The following KLHDC7B variants were observed in gnomAD, a reference collection of about 807,000 sequenced individuals.
The protein encoded by KLHDC7B is kelch domain containing 7B.
Under a neutral mutation model 0.6 loss-of-function variants are expected in KLHDC7B, and 1 was observed. That is an observed-to-expected ratio of 1.71 (90% CI 0.61 to 8.11). KLHDC7B has a LOEUF of 8.11. Among genes scored for constraint, KLHDC7B ranks in the 30% most tolerant of loss-of-function variants. The pLI is 0.13. For synonymous variants in KLHDC7B, 462 were observed against 405.2 expected, an observed-to-expected ratio of 1.14 and a Z score of -1.68; for missense variants, 993 against 894.9, an observed-to-expected ratio of 1.11 and a Z score of -1.40.
At position 50,549,282 on chromosome 22, in the gene KLHDC7B, C is replaced by A; in HGVS notation, c.3039C>A (p.Ser1013=). 1 of 1,612,200 alleles carries A rather than the reference C, an allele frequency of 6.2e-7. No homozygotes were observed. The highest frequency in any genetic ancestry group is 8.5e-7 in the Non-Finnish European group (1 of 1,179,986). ...GCTCCGGTGCCAAGGCCGTCTGCTCCAACGAGGTCTTCTGCTACAACCCTC... is the reference window on the plus strand; with the variant it reads ...GCTCCGGTGCCAAGGCCGTCTGCTCAAACGAGGTCTTCTGCTACAACCCTC... ...IRGSGAKAVC[S]NEVFCYNPLT... Residue 1013 remains serine (S), a synonymous_variant, in exon 1 of 1, where the codon TCC becomes TCA. Coordinates refer to ENST00000648057, the MANE Select transcript of KLHDC7B (RefSeq NM_138433.5).
Position 50,548,151 on chromosome 22 carries a change from G to C in KLHDC7B, c.1908G>C (p.Trp636Cys). Residue 636 changes from tryptophan (W) to cysteine (C), a missense_variant, in exon 1 of 1, where the codon TGG (tryptophan) becomes TGC (cysteine). Coordinates refer to ENST00000648057, the MANE Select transcript of KLHDC7B (RefSeq NM_138433.5). This position sits in a 1 kb window ranked among gnomAD's most constrained non-coding sequence, Gnocchi z 5.3. ...AGGAGGGGCAGGTCTCAGCCAGCTG[G>C]GGAAACCTTATTGCCATGGTTCTTA... ...RYQEGQVSASWGNLIAMVLRS... is the reference protein window; with the variant it reads ...RYQEGQVSASCGNLIAMVLRS... 2 of 1,487,408 alleles carry C rather than the reference G, an allele frequency of 1.3e-6. No individual in the cohort carries two copies. Among genetic ancestry groups the C allele is most frequent in the Non-Finnish European group, 1.8e-6 (2 of 1,113,718 alleles). The allele number at this position is 1,487,408 out of a possible 1,614,324, so 92.1% of individuals were successfully genotyped here. A position where few individuals can be genotyped will look rare whatever the true frequency, so the allele number is the denominator to read the frequency against.
rs117231091 is a variant in KLHDC7B at position 50,549,396 on chromosome 22, C to G, written c.3153C>G (p.Ile1051Met). The G allele has an allele frequency of 1.2e-6, 2 of 1,612,672 alleles. No homozygotes were observed. The highest frequency in any genetic ancestry group is 1.3e-5 in the African/African-American group (1 of 74,940). Residue 1051 changes from isoleucine (I) to methionine (M), a missense_variant, in exon 1 of 1, where the codon ATC (isoleucine) becomes ATG (methionine). Transcript: ENST00000648057. ...LVALDGLLYA[I>M]GGECLYSMEC... ...CCCTGGACGGGCTGCTCTATGCCAT[C>G]GGTGGCGAATGCCTGTACAGCATGG...
In KLHDC7B at chr22:50,548,848, G is replaced by A; in HGVS notation, c.2605G>A (p.Ala869Thr). 6.4e-7 allele frequency: 1 copy of A among 1,550,984 alleles called. No individual in the cohort carries two copies. Among genetic ancestry groups the A allele is most frequent in the Non-Finnish European group, 8.7e-7 (1 of 1,151,434 alleles). ...LDLGSCLDVL[A>T]FAQQHGEPGL... is the part of the protein sequence containing the mutation. ...CCTGGGCAGTTGCCTGGACGTGCTG[G>A]CCTTTGCCCAGCAGCACGGAGAGCC... Residue 869 changes from alanine to threonine, a missense_variant, in exon 1 of 1, where the codon GCC (alanine) becomes ACC (threonine). By Grantham distance (58) the Ala-to-Thr change is moderately conservative. Transcript: ENST00000648057. This position sits in a 1 kb window ranked among gnomAD's most constrained non-coding sequence, Gnocchi z 5.3.
rs566545258 is a variant in KLHDC7B, at chr22:50,549,675, C to T, written c.3432C>T (p.Gly1144=). Residue 1144 remains glycine, a synonymous_variant, in exon 1 of 1, where the codon GGC becomes GGT. Coordinates refer to ENST00000648057, the MANE Select transcript of KLHDC7B (RefSeq NM_138433.5). ...GFLYRFDLLR[G]VGAAVMRYNT... is the part of the protein sequence containing the mutation. Reference sequence around the variant, plus strand: ...TGTACCGCTTCGACCTGCTGCGGGGCGTGGGCGCCGCCGTGATGCGCTACA... The same window carrying T: ...TGTACCGCTTCGACCTGCTGCGGGGTGTGGGCGCCGCCGTGATGCGCTACA... 91 of 1,553,798 alleles carry T rather than the reference C, an allele frequency of 5.9e-5. No homozygotes were observed. Among genetic ancestry groups the T allele is most frequent in the East Asian group, 3.2e-4 (14 of 44,328 alleles).
rs2069755416 is a variant in KLHDC7B, at chr22:50,548,186, C to G, written c.1943C>G (p.Pro648Arg). The change falls in exon 1 of 1, where the codon CCC (proline) becomes CGC (arginine). Residue 648 changes from proline to arginine, a missense_variant. Physicochemically the swap from Pro to Arg is moderately radical, Grantham distance 103 (BLOSUM62 -2). Coordinates refer to ENST00000648057, the MANE Select transcript of KLHDC7B (RefSeq NM_138433.5). This position sits in a 1 kb window ranked among gnomAD's most constrained non-coding sequence, Gnocchi z 5.3. ...ATTGCCATGGTTCTTAGAAGCCACC[C>G]CTTCCCCAGGCAAGACAGGCCCCAA... ...NLIAMVLRSH[P>R]FPRQDRPQGS... is the part of the protein sequence containing the mutation. 1 of 1,525,540 alleles carries G rather than the reference C, an allele frequency of 6.6e-7. No homozygotes were observed. Among genetic ancestry groups the G allele is most frequent in the Admixed American group, 2.1e-5 (1 of 48,458 alleles). The allele number at this position is 1,525,540 out of a possible 1,614,324, so 94.5% of individuals were successfully genotyped here.
In KLHDC7B at chr22:50,549,140, T is replaced by C; in HGVS notation, c.2897T>C (p.Phe966Ser). The part of the protein sequence containing the change: ...SLPLPAHLHV[F>S]NPRENTWRPL... ...CCTCTACCTGCGCACCTGCATGTGT[T>C]CAACCCCCGGGAGAACACCTGGCGG... The change falls in exon 1 of 1, where the codon TTC (phenylalanine) becomes TCC (serine). Residue 966 changes from phenylalanine (F) to serine (S), a missense_variant. Physicochemically the swap from Phe to Ser is radical, Grantham distance 155. Transcript: ENST00000648057. The C allele has an allele frequency of 6.2e-7, 1 of 1,603,482 alleles. No individual in the cohort carries two copies.
Position 50,548,702 on chromosome 22 carries a change from C to T in KLHDC7B, c.2459C>T (p.Ala820Val), listed in dbSNP as rs2148695615. 6.6e-6 allele frequency: 10 copies of T among 1,514,970 alleles called. No individual in the cohort carries two copies. Among genetic ancestry groups the T allele is most frequent in the Non-Finnish European group, 8.8e-6 (10 of 1,132,234 alleles). The allele number at this position is 1,514,970 out of a possible 1,614,324, so 93.8% of individuals were successfully genotyped here. A position where few individuals can be genotyped will look rare whatever the true frequency, so the allele number is the denominator to read the frequency against. The change falls in exon 1 of 1, where the codon GCC (alanine) becomes GTC (valine). Residue 820 changes from alanine (A) to valine (V), a missense_variant. Physicochemically the swap from Ala to Val is moderately conservative, Grantham distance 64. Transcript: ENST00000648057. This position sits in a 1 kb window ranked among gnomAD's most constrained non-coding sequence, Gnocchi z 5.3. ...GCGCTCACGGAAAAGCAGGAGGAGG[C>T]CCGGAAGCTCATGGTGTTTCTGCAG... Reference protein sequence around the residue: ...SGALTEKQEEARKLMVFLQRP... With the variant: ...SGALTEKQEEVRKLMVFLQRP...
In KLHDC7B at chr22:50,549,955, G is replaced by A; in HGVS notation, c.*4G>A. On this transcript the variant is annotated 3_prime_UTR_variant, in exon 1 of 1. Coordinates refer to ENST00000648057, the MANE Select transcript of KLHDC7B (RefSeq NM_138433.5). Reference sequence around the variant, plus strand: ...CCGGCTGCAGACCTCACTCTGAGTGGCAGGCAGAGAACCAAAGCTGCTTCG... The same window carrying A: ...CCGGCTGCAGACCTCACTCTGAGTGACAGGCAGAGAACCAAAGCTGCTTCG... 1.3e-6 allele frequency: 2 copies of A among 1,539,890 alleles called. No individual in the cohort carries two copies.
rs996097409 is a variant in KLHDC7B, at chr22:50,550,097, G to A, written c.*146G>A. ...ACAACTTTCCCCTTCTGCTTTAAAG[G>A]TTGTCGATTATTTTGAAGCCCAGAC... On this transcript the variant is annotated 3_prime_UTR_variant, in exon 1 of 1. Coordinates refer to ENST00000648057, the MANE Select transcript of KLHDC7B (RefSeq NM_138433.5). The A allele has an allele frequency of 3.7e-5, 32 of 868,172 alleles. No homozygotes were observed. Among genetic ancestry groups the A allele is most frequent in the Non-Finnish European group, 3.9e-5 (23 of 585,768 alleles). The allele number at this position is 868,172 out of a possible 1,614,324, so 53.8% of individuals were successfully genotyped here.
rs2069788663 is a variant in KLHDC7B at position 50,549,908 on chromosome 22, T to A, written c.3665T>A (p.Ile1222Asn). The change falls in exon 1 of 1, where the codon ATC (isoleucine) becomes AAC (asparagine). Residue 1222 changes from isoleucine (I) to asparagine (N), a missense_variant. By Grantham distance (149) the Ile-to-Asn change is moderately radical. Transcript: ENST00000648057. Reference protein sequence around the residue: ...LGSTGVLSPFILTLPPEDRLQ... With the variant: ...LGSTGVLSPFNLTLPPEDRLQ... ...AGCACCGGGGTCCTCAGTCCATTCA[T>A]CCTGACTCTGCCCCCTGAGGACCGG... is the stretch of plus-strand genomic sequence containing the variant. The A allele has an allele frequency of 6.3e-7, 1 of 1,589,270 alleles. No homozygotes were observed. The highest frequency in any genetic ancestry group is 8.6e-7 in the Non-Finnish European group (1 of 1,165,754).
In KLHDC7B at chr22:50,546,513, C is replaced by G. The variant is rs2069729967; in HGVS notation, c.270C>G (p.Ser90Arg). The G allele has an allele frequency of 5.0e-6, 2 of 399,182 alleles. No individual in the cohort carries two copies. The highest frequency in any genetic ancestry group is 7.1e-5 in the East Asian group (2 of 28,072). 24.7% of individuals were successfully genotyped at this position (399,182 alleles called of 1,614,324 possible). ...TCAGTGATGGCAGCGAGGGGCAGAG[C>G]CCAGGGCAGGGGAAACCAGAGCCCC... ...SKVSDGSEGQSPGQGKPEPPG... is the reference protein window; with the variant it reads ...SKVSDGSEGQRPGQGKPEPPG... The change falls in exon 1 of 1, where the codon AGC becomes AGG. Residue 90 changes from serine (S) to arginine (R), a missense_variant. Ser to Arg is a moderately radical substitution (Grantham distance 110, BLOSUM62 -1). Transcript: ENST00000648057.
In KLHDC7B at chr22:50,549,744, G is replaced by GGGCCCCCC; in HGVS notation, c.1578_1579insGGCCCCCC (p.Pro527GlyfsTer59). On this transcript the variant is annotated frameshift_variant, in exon 1 of 1. Transcript: ENST00000395676. LOFTEE classifies it low-confidence loss of function (END_TRUNC). The stretch of plus-strand genomic sequence containing the variant: ...GGAGCAGGGCTGCCTCCCTGCCCCT[G>GGGCCCCCC]CCCGCCCCCGCCCCACTGCACTGCA... 1.3e-6 allele frequency: 2 copies of GGGCCCCCC among 1,554,508 alleles called. No individual in the cohort carries two copies. Among genetic ancestry groups the GGGCCCCCC allele is most frequent in the African/African-American group, 1.4e-5 (1 of 72,136 alleles).
At position 50,546,174 on chromosome 22, in the gene KLHDC7B, C is replaced by T. The variant is rs1311382109; in HGVS notation, c.-70C>T. On this transcript the variant is annotated 5_prime_UTR_variant, in exon 1 of 1. Coordinates refer to ENST00000648057, the MANE Select transcript of KLHDC7B (RefSeq NM_138433.5). ...CCTTGGGGCAGGCGCTGGCCGGTGC[C>T]TCAGCCCAGGCCTCTGTGCTCTGCA... 1.3e-5 allele frequency among the ~76,000 whole-genome samples: 2 copies of T among 152,206 alleles called. No individual in the cohort carries two copies. The highest frequency in any genetic ancestry group is 2.9e-5 in the Non-Finnish European group (2 of 68,018).
Position 50,549,353 on chromosome 22 carries a change from C to G in KLHDC7B, c.3110C>G (p.Ala1037Gly). Residue 1037 changes from alanine (A) to glycine (G), a missense_variant, in exon 1 of 1, where the codon GCC becomes GGC. Transcript: ENST00000648057. ...SQVRPMQQAR[A>G]QLKLVALDGL... is the part of the protein sequence containing the mutation. ...GTTCGGCCCATGCAGCAGGCCCGAG[C>G]CCAGCTCAAGCTGGTGGCCCTGGAC... 2 of 1,612,876 alleles carry G rather than the reference C, an allele frequency of 1.2e-6. No homozygotes were observed. The highest frequency in any genetic ancestry group is 1.7e-6 in the Non-Finnish European group (2 of 1,179,974).
Position 50,550,977 on chromosome 22 carries a change from A to T in KLHDC7B, c.*1026A>T. The T allele has an allele frequency of 2.6e-6, 1 of 381,514 alleles. No homozygotes were observed. Among genetic ancestry groups the T allele is most frequent in the East Asian group, 4.8e-5 (1 of 20,890 alleles). 23.6% of individuals were successfully genotyped at this position (381,514 alleles called of 1,614,324 possible). On this transcript the variant is annotated 3_prime_UTR_variant, in exon 1 of 1. Transcript: ENST00000648057. The stretch of plus-strand genomic sequence containing the variant: ...GGGCCCTTTTTCTGTTTTTTATTCT[A>T]TGTTCAGCACCACTGGCACCAAATA...
At position 50,549,326 on chromosome 22, in the gene KLHDC7B, AGGTTCGGC is replaced by A. The variant is rs2069776386; in HGVS notation, c.1161_1168del (p.Gln387HisfsTer198). 2 of 1,612,746 alleles carry A rather than the reference AGGTTCGGC, an allele frequency of 1.2e-6. No homozygotes were observed. Among genetic ancestry groups the A allele is most frequent in the Non-Finnish European group, 1.7e-6 (2 of 1,179,992 alleles). ...AACCCTCTGACCAACATCTGGAGCC[AGGTTCGGC>A]CCATGCAGCAGGCCCGAGCCCAGCT... On this transcript the variant is annotated frameshift_variant, in exon 1 of 1. Transcript: ENST00000395676. LOFTEE classifies it low-confidence loss of function (END_TRUNC).
rs2069752072 is a variant in KLHDC7B at position 50,547,981 on chromosome 22, AGCC to A, written c.1739_1741del (p.Ser580_Pro581delinsThr). 1 of 471,534 alleles carries A rather than the reference AGCC, an allele frequency of 2.1e-6. No homozygotes were observed. Among genetic ancestry groups the A allele is most frequent in the Non-Finnish European group, 3.3e-6 (1 of 300,302 alleles). The allele number at this position is 471,534 out of a possible 1,614,324, so 29.2% of individuals were successfully genotyped here. A position where few individuals can be genotyped will look rare whatever the true frequency, so the allele number is the denominator to read the frequency against. On this transcript the variant is annotated inframe_deletion, in exon 1 of 1. Coordinates refer to ENST00000648057, the MANE Select transcript of KLHDC7B (RefSeq NM_138433.5). ...AACCCCAGTCCCAACCCCAGCCCTA[AGCC>A]CAGCTCCAACTCCAGCCCCAACCCC...
At position 50,547,105 on chromosome 22, in the gene KLHDC7B, C is replaced by A. The variant is rs2069738567; in HGVS notation, c.862C>A (p.Leu288Ile). 1.3e-5 allele frequency among the ~76,000 whole-genome samples: 2 copies of A among 151,948 alleles called. No individual in the cohort carries two copies. The highest frequency in any genetic ancestry group is 3.9e-4 in the East Asian group (2 of 5,138). ...TGPPLAQEPA[L>I]PALPAPRALQ... ...ACCCCCACTCGCCCAGGAGCCCGCA[C>A]TCCCGGCGCTGCCCGCTCCCCGCGC... Residue 288 changes from leucine (L) to isoleucine (I), a missense_variant, in exon 1 of 1, where the codon CTC becomes ATC. Transcript: ENST00000648057.
At position 50,550,719 on chromosome 22, in the gene KLHDC7B, G is replaced by A. The variant is rs114357127; in HGVS notation, c.*768G>A. On this transcript the variant is annotated 3_prime_UTR_variant, in exon 1 of 1. Coordinates refer to ENST00000648057, the MANE Select transcript of KLHDC7B (RefSeq NM_138433.5). ...CCTTTTTAGCTGTGTAGACTTGGAC[G>A]AGACATTTGACTTCCCTTTCTCCTT... 1,072 of 168,586 alleles carry A rather than the reference G, an allele frequency of 6.4e-3. 10 individuals are homozygous for A. Among genetic ancestry groups the A allele is most frequent in the African/African-American group, 0.024 (978 of 41,594 alleles). The allele number at this position is 168,586 out of a possible 1,614,324, so 10.4% of individuals were successfully genotyped here.
Sources: gnomAD v4.1 joint callset for allele counts (sites outside exome capture counted in the v4.1 genomes callset) on GRCh38, gnomAD v4.1.1 for gene constraint, Gnocchi (gnomAD v3.1) non-coding constraint, MANE v1.5 for transcripts, NCBI Gene and HGNC (gene_info 2026-07-23, HGNC 2026-07-21) for gene names.